PLBD2: variants seen among roughly 807,000 people sequenced by gnomAD.
The protein encoded by PLBD2 is putative aminopeptidase PLBD2.
A neutral mutation model predicts 68.3 loss-of-function variants in PLBD2; 51 were observed. The observed-to-expected ratio is 0.75, with a 90% CI of 0.60 to 0.94. PLBD2 has a LOEUF of 0.94. PLBD2 is among the 40% of genes least tolerant of loss of function. PLBD2 has a pLI of 0.00. For synonymous variants in PLBD2, 314 were observed against 339.3 expected (o/e 0.93, Z 0.82); for missense variants, 729 against 792.2 (o/e 0.92, Z 0.96).
chr12:113,374,602 G>A, intron 4 of PLBD2, 28 bp downstream of exon 4: 1 of 1,553,768 alleles, frequency 6.4e-7, no homozygotes, highest in Non-Finnish European at 8.8e-7. Flanking sequence ...AGTGAACAGG[G>A]TGGGAAGAAG....
chr12:113,367,503 A>C (rs896920045), intron 1 of PLBD2, among the ~76,000 whole-genome samples: 4 of 152,082 alleles, frequency 2.6e-5, no homozygotes, highest in Non-Finnish European at 4.4e-5. Context: ...TAATCCCATC[A>C]CTTTGGGAGG....
Position 113,358,600 on chromosome 12 carries a change from C to A in PLBD2, c.-1C>A, listed in dbSNP as rs1957254581. On this transcript the variant is annotated 5_prime_UTR_variant, in exon 1 of 12. Coordinates refer to ENST00000280800, the MANE Select transcript of PLBD2 (RefSeq NM_173542.4). Reference sequence around the variant, plus strand: ...GCTGCGGGGCGCAGCATTGTGCGGTCATGGTGGGCCAGATGTACTGCTACC... The same window carrying A: ...GCTGCGGGGCGCAGCATTGTGCGGTAATGGTGGGCCAGATGTACTGCTACC... The A allele has an allele frequency of 2.7e-6, 4 of 1,468,510 alleles. No homozygotes were observed. The highest frequency in any genetic ancestry group is 2.6e-5 in the South Asian group (2 of 75,874). The allele number at this position is 1,468,510 out of a possible 1,614,324, so 91.0% of individuals were successfully genotyped here. A position where few individuals can be genotyped will look rare whatever the true frequency, so the allele number is the denominator to read the frequency against.
intron 1 of PLBD2, among the ~76,000 whole-genome samples, chr12:113,367,226 A>G (rs1957349448): frequency 6.6e-6 from 1 of 152,248 alleles, no homozygotes; most frequent in Non-Finnish European, 1.5e-5. Context: ...CATGAAACAG[A>G]GAAATATAAA....
rs1352594853 is a variant in PLBD2, at chr12:113,374,586, C to A, written c.644+12C>A. 3 of 1,580,414 alleles carry A rather than the reference C, an allele frequency of 1.9e-6. No individual in the cohort carries two copies. Among genetic ancestry groups the A allele is most frequent in the East Asian group, 2.3e-5 (1 of 43,878 alleles). On this transcript the variant is annotated intron_variant, in intron 4 of 11. Coordinates refer to ENST00000280800, the MANE Select transcript of PLBD2 (RefSeq NM_173542.4). ...CCCTTGGGGTTCCTGTAAGTGCCACCCCCAGAGTGAACAGGGTGGGAAGAA... is the reference window on the plus strand; with the variant it reads ...CCCTTGGGGTTCCTGTAAGTGCCACACCCAGAGTGAACAGGGTGGGAAGAA...
intron 1 of PLBD2, among the ~76,000 whole-genome samples, chr12:113,361,406 C>G (rs1957295128): frequency 7.6e-6 from 1 of 130,988 alleles, no homozygotes; most frequent in South Asian, 2.5e-4. Context: ...GTGGTATGAT[C>G]ATGGCTCACT....
At chr12:113,368,708 C>T (rs1957362390) in intron 1 of PLBD2, among the ~76,000 whole-genome samples, 1 of 152,098 alleles carries the variant, frequency 6.6e-6, no homozygotes, top group Non-Finnish European at 1.5e-5. Context: ...TCCTCCTCTT[C>T]TGCAAGAGGG....
At chr12:113,380,976 G>A in intron 6 of PLBD2, 134 bp downstream of exon 6, 3 of 821,608 alleles carry the variant, frequency 3.7e-6, no homozygotes, top group Non-Finnish European at 5.9e-6. Context: ...AGGAGCCAGG[G>A]GTGCAGTGGA....
At chr12:113,381,807 T>C (rs942706320) in intron 6 of PLBD2, among the ~76,000 whole-genome samples, 3 of 152,154 alleles carry the variant, frequency 2.0e-5, no homozygotes, top group Non-Finnish European at 4.4e-5. Context: ...GAATAGTGTT[T>C]TAACTTTTAT....
intron 1 of PLBD2, 127 bp downstream of exon 1, chr12:113,359,017 T>A: frequency 9.3e-7 from 1 of 1,076,038 alleles, no homozygotes; most frequent in Non-Finnish European, 1.3e-6. Context: ...GGTCAGCTAC[T>A]CCCGAGGCTG....
chr12:113,366,681 A>T (rs1348086157), intron 1 of PLBD2, among the ~76,000 whole-genome samples: 1 of 151,760 alleles, frequency 6.6e-6, no homozygotes, highest in Admixed American at 6.6e-5. Flanking sequence ...TTGCTTTCCC[A>T]GGCTGGTCTT....
At chr12:113,382,813 GGGTGGTGGT>G (rs1189555413) in intron 6 of PLBD2, among the ~76,000 whole-genome samples, 6 of 149,128 alleles carry the variant, frequency 4.0e-5, no homozygotes, top group Non-Finnish European at 7.4e-5. Flanking sequence ...TTTTTGGTGG[GGGTGGTGGT>G]GGTGGTGGTT....
rs372296081 is a variant in PLBD2, at chr12:113,374,922, G to T, written c.774G>T (p.Leu258=). ...IKLLPGQSDL[L]VAHNTWNNYQ... ...TGCTCCCTGGCCAGAGTGACCTCCT[G>T]GTTGCCCACAACACCTGGAACAACT... Residue 258 remains leucine, a synonymous_variant, in exon 5 of 12, where the codon CTG becomes CTT. Transcript: ENST00000280800. 6 of 1,613,966 alleles carry T rather than the reference G, an allele frequency of 3.7e-6. No homozygotes were observed. The African/African-American group carries it at 8.0e-5, about 22-fold the overall frequency.
intron 1 of PLBD2, among the ~76,000 whole-genome samples, chr12:113,368,814 CAT>C (rs1957363370): frequency 6.6e-6 from 1 of 152,146 alleles, no homozygotes; most frequent in Non-Finnish European, 1.5e-5. Flanking sequence ...ACAGAGCTAA[CAT>C]GTCATCCTCA....
chr12:113,364,141 C>T (rs560550605), intron 1 of PLBD2, among the ~76,000 whole-genome samples: 9 of 152,356 alleles, frequency 5.9e-5, no homozygotes, highest in African/African-American at 1.9e-4. Flanking sequence ...TTATGCCCAT[C>T]TCTGCAGGGC....
chr12:113,370,940 C>T (rs181650781), intron 2 of PLBD2, among the ~76,000 whole-genome samples: 2 of 152,262 alleles, frequency 1.3e-5, no homozygotes, highest in Admixed American at 1.3e-4. Context: ...CCTGTAATCC[C>T]AGGATGTTGG....
In PLBD2 at chr12:113,387,765, C is replaced by T. The variant is rs1005159174; in HGVS notation, c.1461C>T (p.Asp487=). The change falls in exon 11 of 12, where the codon GAC becomes GAT. Residue 487 remains aspartate, a synonymous_variant. Coordinates refer to ENST00000280800, the MANE Select transcript of PLBD2 (RefSeq NM_173542.4). ...CCAGGTACAATGACTTCCTCCATGA[C>T]CCTCTGTCACTGTGCAAAGCCTGCA... ...RLMRYNDFLH[D]PLSLCKACNP... The T allele has an allele frequency of 9.3e-6, 15 of 1,614,046 alleles. No homozygotes were observed. In the African/African-American group the frequency reaches 2.0e-4, roughly 22 times the overall value.
intron 2 of PLBD2, among the ~76,000 whole-genome samples, chr12:113,371,457 A>G (rs12824200): frequency 0.077 from 11,713 of 152,258 alleles, 631 homozygotes; most frequent in East Asian, 0.21. Context: ...TAAAACTCAC[A>G]CTGCTCCTTC....
intron 3 of PLBD2, among the ~76,000 whole-genome samples, chr12:113,373,261 C>T (rs966227331): frequency 6.6e-6 from 1 of 152,372 alleles, no homozygotes; most frequent in Non-Finnish European, 1.5e-5. Context: ...TGGCAGCTAA[C>T]GGAGAGGCCC....
rs1957397233 is a variant in PLBD2, at chr12:113,372,423, T to C, written c.385-226T>C. 6.6e-6 allele frequency among the ~76,000 whole-genome samples: 1 copy of C among 151,972 alleles called. No individual in the cohort carries two copies. The highest frequency in any genetic ancestry group is 2.1e-4 in the South Asian group (1 of 4,816). On this transcript the variant is annotated intron_variant, in intron 2 of 11. Coordinates refer to ENST00000280800, the MANE Select transcript of PLBD2 (RefSeq NM_173542.4). The surrounding 1 kb of genome is among the most constrained non-coding windows in gnomAD (Gnocchi z 4.2). ...GTAGCAGAGGTGGTGCCATCAGTTA[T>C]AGGCTTTGCAGGCTAAAGGCTCTCA...
Sources: gnomAD v4.1 joint callset for allele counts (sites outside exome capture counted in the v4.1 genomes callset) on GRCh38, gnomAD v4.1.1 for gene constraint, Gnocchi (gnomAD v3.1) non-coding constraint, MANE v1.5 for transcripts, NCBI Gene and HGNC (gene_info 2026-07-23, HGNC 2026-07-21) for gene names.